Variants in ZBTB20 observed in about 807,000 individuals in gnomAD.
The protein encoded by ZBTB20 is zinc finger and BTB domain containing 20.
In ZBTB20, 9 loss-of-function variants were observed where a neutral mutation model predicts 56.9. The ratio of observed to expected loss-of-function variants is 0.16; its 90% CI spans 0.10 to 0.28. The LOEUF is 0.28. Ranked by LOEUF, ZBTB20 falls within the 10% of genes least tolerant of loss-of-function variation. The pLI is 1.00. For missense variants in ZBTB20, 655 were observed against 1,003.0 expected, an observed-to-expected ratio of 0.65 and a Z score of 4.69; for synonymous variants, 417 against 420.7, an observed-to-expected ratio of 0.99 and a Z score of 0.11.
chr3:114,637,621 T>TG (rs1457841422), intron 6 of ZBTB20, among the ~76,000 whole-genome samples: 1 of 152,142 alleles, frequency 6.6e-6, no homozygotes, highest in African/African-American at 2.4e-5. Context: ...TCTTAAATTA[T>TG]GTCTAGACTT....
chr3:115,115,882 A>T (rs985726454), intron 1 of ZBTB20, among the ~76,000 whole-genome samples: 3 of 152,034 alleles, frequency 2.0e-5, no homozygotes, highest in African/African-American at 7.2e-5. Flanking sequence ...TGAGGGTGAC[A>T]TTCTTTTTCA....
Position 115,071,234 on chromosome 3 carries a change from G to C in ZBTB20, c.-522C>G. On this transcript the variant is annotated 5_prime_UTR_variant, in exon 2 of 12. Transcript: ENST00000675478. ...TCCTACTTACAGTGGCATGGATGAC[G>C]GAGCAGAAATAGAGAATTCTTGATT... 6.6e-6 allele frequency: 1 copy of C among 152,162 alleles called. No individual in the cohort carries two copies. The highest frequency in any genetic ancestry group is 2.1e-4 in the South Asian group (1 of 4,810). The allele number at this position is 152,162 out of a possible 1,614,324, so 9.4% of individuals were successfully genotyped here. A position where few individuals can be genotyped will look rare whatever the true frequency, so the allele number is the denominator to read the frequency against.
At chr3:114,372,206 C>G (rs188422230) in intron 10 of ZBTB20, among the ~76,000 whole-genome samples, 1 of 152,310 alleles carries the variant, frequency 6.6e-6, no homozygotes, top group East Asian at 1.9e-4. Flanking sequence ...AGGAAGCACA[C>G]ATGAAACTGT....
chr3:114,689,807 A>G (rs1458511437), intron 6 of ZBTB20, among the ~76,000 whole-genome samples: 2 of 152,170 alleles, frequency 1.3e-5, no homozygotes, highest in East Asian at 3.9e-4. Context: ...AACACCACAT[A>G]TAAGAACAGG....
chr3:114,967,163 T>G (rs192989649), intron 3 of ZBTB20, among the ~76,000 whole-genome samples: 49 of 152,326 alleles, frequency 3.2e-4, no homozygotes, highest in Non-Finnish European at 5.9e-4. Flanking sequence ...AGATTTAATT[T>G]TGTGAATTTA....
chr3:114,573,947 C>T (rs2053723433), intron 6 of ZBTB20, among the ~76,000 whole-genome samples: 2 of 152,094 alleles, frequency 1.3e-5, no homozygotes, highest in Non-Finnish European at 2.9e-5. Context: ...ACAGAGATAA[C>T]TCCTCTTTAC....
At chr3:115,128,718 A>AG (rs1306948972) in intron 1 of ZBTB20, among the ~76,000 whole-genome samples, 1 of 40,854 alleles carries the variant, frequency 2.4e-5, no homozygotes, top group Non-Finnish European at 4.7e-5. Context: ...AGTGGAGGGG[A>AG]GGGGAGGGCA....
chr3:114,535,775 A>G (rs992637155), intron 6 of ZBTB20, among the ~76,000 whole-genome samples: 1 of 152,216 alleles, frequency 6.6e-6, no homozygotes, highest in Non-Finnish European at 1.5e-5. Context: ...CCAGCAGCAC[A>G]GCAAAAAGCT....
At chr3:114,398,464 GGAAGAAACACTACCC>G (rs2086532354) in intron 7 of ZBTB20, among the ~76,000 whole-genome samples, 1 of 152,094 alleles carries the variant, frequency 6.6e-6, no homozygotes, top group South Asian at 2.1e-4. Flanking sequence ...CACAATATTG[GGAAGAAACACTACCC>G]GCCATCACTG....
intron 2 of ZBTB20, among the ~76,000 whole-genome samples, chr3:115,038,791 C>T (rs973009723): frequency 2.0e-5 from 3 of 152,032 alleles, no homozygotes; most frequent in Non-Finnish European, 2.9e-5. Context: ...AAACTATATA[C>T]TACTATCAAC....
intron 6 of ZBTB20, among the ~76,000 whole-genome samples, chr3:114,581,731 C>T (rs889713709): frequency 5.9e-5 from 9 of 151,794 alleles, no homozygotes; most frequent in Admixed American, 2.6e-4. Context: ...TATTCAATTC[C>T]GATCAGACTG....
intron 3 of ZBTB20, among the ~76,000 whole-genome samples, chr3:114,905,390 G>C (rs2075283443): frequency 6.6e-6 from 1 of 151,754 alleles, no homozygotes; most frequent in African/African-American, 2.4e-5. Context: ...ATCTCCTCCA[G>C]AATCTGATAT....
Position 114,315,568 on chromosome 3 carries a change from A to AGAGTATGT in ZBTB20, c.*23436_*23437insACATACTC, listed in dbSNP as rs1553778290. The AGAGTATGT allele has an allele frequency of 6.8e-6, 1 of 147,598 alleles. No individual in the cohort carries two copies. Among genetic ancestry groups the AGAGTATGT allele is most frequent in the Admixed American group, 6.8e-5 (1 of 14,706 alleles). The allele number at this position is 147,598 out of a possible 1,614,324, so 9.1% of individuals were successfully genotyped here. A position where few individuals can be genotyped will look rare whatever the true frequency, so the allele number is the denominator to read the frequency against. The stretch of plus-strand genomic sequence containing the variant: ...GTGTGTATTTTAGGTCTAAACATAC[A>AGAGTATGT]GTGTGTGTGTGTGTGTGTGTGTGTG... On this transcript the variant is annotated 3_prime_UTR_variant, in exon 12 of 12. Transcript: ENST00000675478.
At chr3:114,779,867 T>C (rs1196581608) in intron 5 of ZBTB20, among the ~76,000 whole-genome samples, 2 of 152,174 alleles carry the variant, frequency 1.3e-5, no homozygotes, top group African/African-American at 4.8e-5. Context: ...AGGTTATCAG[T>C]TACTTAATAT....
chr3:114,628,344 G>A (rs1225769404), intron 6 of ZBTB20, among the ~76,000 whole-genome samples: 1 of 152,074 alleles, frequency 6.6e-6, no homozygotes, highest in African/African-American at 2.4e-5. Context: ...TTCCCATGTA[G>A]AATATTTAGT....
intron 1 of ZBTB20, among the ~76,000 whole-genome samples, chr3:115,140,088 G>A (rs1437410504): frequency 6.6e-6 from 1 of 151,870 alleles, no homozygotes; most frequent in Non-Finnish European, 1.5e-5. Context: ...TTCAATTGTT[G>A]AAGGAAACAA....
chr3:114,607,491 C>G (rs374538281), intron 6 of ZBTB20, among the ~76,000 whole-genome samples: 8 of 152,064 alleles, frequency 5.3e-5, no homozygotes, highest in African/African-American at 1.9e-4. Context: ...TTAGTAGAGA[C>G]AGCGTTTCTC....
At position 114,318,166 on chromosome 3, in the gene ZBTB20, C is replaced by T. The variant is rs1164851113; in HGVS notation, c.*20839G>A. 2.0e-5 allele frequency: 3 copies of T among 152,094 alleles called. No homozygotes were observed. The highest frequency in any genetic ancestry group is 6.5e-5 in the Admixed American group (1 of 15,274). The allele number at this position is 152,094 out of a possible 1,614,324, so 9.4% of individuals were successfully genotyped here. ...GAAAAAATATGGAAAAGCTATTGAA[C>T]AGCCTTAGGGCACTGCCTCTCCATC... On this transcript the variant is annotated 3_prime_UTR_variant, in exon 12 of 12. Coordinates refer to ENST00000675478, the MANE Select transcript of ZBTB20 (RefSeq NM_001348800.3).
chr3:114,699,195 A>C (rs1357102709), intron 5 of ZBTB20, among the ~76,000 whole-genome samples: 1 of 152,090 alleles, frequency 6.6e-6, no homozygotes, highest in Non-Finnish European at 1.5e-5. Context: ...GCTGTCTTTC[A>C]TTTCAGTCTT....
Sources: allele counts gnomAD v4.1 joint callset (sites outside exome capture counted in the v4.1 genomes callset), GRCh38; gene constraint gnomAD v4.1.1; transcripts MANE v1.5; gene names NCBI Gene and HGNC (gene_info 2026-07-23, HGNC 2026-07-21).